The following ACSL1 variants were observed in gnomAD, a reference collection of about 807,000 sequenced individuals.
ACSL1 encodes the protein acyl-CoA synthetase long chain family member 1, also known as long-chain-fatty-acid--CoA ligase 1.
ACSL1 carries 41 observed loss-of-function variants against 98.4 expected under a neutral mutation model. The observed-to-expected ratio is 0.42, with a 90% confidence interval of 0.32 to 0.54. ACSL1 has a LOEUF of 0.54. ACSL1 is among the 20% of genes least tolerant of loss of function. The pLI is 0.13. For missense variants in ACSL1, 734 were observed against 883.1 expected (o/e 0.83, Z 2.14); for synonymous variants, 316 against 322.7 (o/e 0.98, Z 0.22).
intron 10 of ACSL1, 77 bp from the exon 11 acceptor site, chr4:184,770,553 T>C (rs1032724906): frequency 2.8e-6 from 2 of 706,200 alleles, no homozygotes; most frequent in Admixed American, 2.2e-5. Context: ...CCAGGGACGG[T>C]TGTGGGGTAG....
chr4:184,775,372 C>A (rs1242742663), intron 7 of ACSL1, among the ~76,000 whole-genome samples: 3 of 152,026 alleles, frequency 2.0e-5, no homozygotes, highest in Non-Finnish European at 4.4e-5. Flanking sequence ...AACATTACTT[C>A]TTTATCATAC....
At position 184,761,478 on chromosome 4, in the gene ACSL1, A is replaced by C. The variant is rs546561108; in HGVS notation, c.1638+929T>G. 4.5e-3 allele frequency among the ~76,000 whole-genome samples: 682 copies of C among 152,288 alleles called. 1 individual carries two copies. Among genetic ancestry groups the C allele is most frequent in the Non-Finnish European group, 7.4e-3 (505 of 68,022 alleles). ...AGCATCATAATAACTTCGAAACAGC[A>C]GATTACTGGTCAAACCAACAGGTAG... On this transcript the variant is annotated intron_variant, in intron 17 of 20. Transcript: ENST00000281455.
In ACSL1 at chr4:184,765,939, C is replaced by A. The variant is rs768275360; in HGVS notation, c.1311G>T (p.Pro437=). 1.7e-5 allele frequency: 28 copies of A among 1,613,882 alleles called. No homozygotes were observed. In the Admixed American group the frequency reaches 4.5e-4, roughly 26 times the overall value. The change falls in exon 14 of 21, where the codon CCG becomes CCT. Residue 437 remains proline, a synonymous_variant. Coordinates refer to ENST00000281455, the MANE Select transcript of ACSL1 (RefSeq NM_001995.5). ...GGAACGTCAGCACAGTGGCAGACAC[C>A]GGGGCGGCTCCTGTCACCATCAGCC... ...RVRLMVTGAA[P]VSATVLTFLR...
intron 18 of ACSL1, among the ~76,000 whole-genome samples, chr4:184,759,741 G>A (rs1762606750): frequency 6.6e-6 from 1 of 152,202 alleles, no homozygotes; most frequent in Non-Finnish European, 1.5e-5. Context: ...TGGTGGGACT[G>A]TAAACTAGTT....
chr4:184,786,913 C>G (rs1767478180), intron 3 of ACSL1, among the ~76,000 whole-genome samples: 1 of 152,058 alleles, frequency 6.6e-6, no homozygotes, highest in Admixed American at 6.5e-5. Flanking sequence ...AGGCTGGTCT[C>G]GAACTCCTGA....
chr4:184,826,123 G>GCCCC (rs1773478516), upstream of ACSL1: 1 of 118,448 alleles, frequency 8.4e-6, no homozygotes, highest in Non-Finnish European at 1.9e-5. Flanking sequence ...CCCGCCCGCA[G>GCCCC]GCCCCGCCCC....
At chr4:184,765,782 CAATT>C in intron 14 of ACSL1, 105 bp downstream of exon 14, 2 of 853,872 alleles carry the variant, frequency 2.3e-6, no homozygotes, top group Non-Finnish European at 3.6e-6. Flanking sequence ...ATACGCTTGT[CAATT>C]AAGAAAGAAC....
intron 2 of ACSL1, among the ~76,000 whole-genome samples, chr4:184,793,492 C>T (rs938507432): frequency 2.0e-5 from 3 of 152,206 alleles, no homozygotes; most frequent in African/African-American, 4.8e-5. Context: ...CAAATGATGC[C>T]GTTGAGGATT....
chr4:184,768,914 C>T (rs1471624867), intron 11 of ACSL1, among the ~76,000 whole-genome samples: 6 of 151,988 alleles, frequency 3.9e-5, no homozygotes, highest in Non-Finnish European at 8.8e-5. Flanking sequence ...TCTACTAAAA[C>T]AAAAATTAGC....
chr4:184,812,093 C>A (rs1772176789), intron 1 of ACSL1: 1 of 777,748 alleles, frequency 1.3e-6, no homozygotes, highest in South Asian at 5.8e-5. Flanking sequence ...AGTCCTTCCT[C>A]TGAACTCCAG....
At position 184,760,349 on chromosome 4, in the gene ACSL1, G is replaced by A. The variant is rs1159441736; in HGVS notation, c.1782+8C>T. 1 of 1,613,838 alleles carries A rather than the reference G, an allele frequency of 6.2e-7. No homozygotes were observed. The highest frequency in any genetic ancestry group is 1.3e-5 in the African/African-American group (1 of 74,900). The stretch of plus-strand genomic sequence containing the variant: ...TGCAGCAAGATTCAAGACCCAGAAA[G>A]CACATACCTGCAGGCTTTCTCCGTG... On this transcript the variant is annotated splice_region_variant and intron_variant, in intron 18 of 20. Transcript: ENST00000281455.
intron 2 of ACSL1, among the ~76,000 whole-genome samples, chr4:184,789,003 T>C (rs189467976): frequency 1.3e-5 from 2 of 152,292 alleles, no homozygotes; most frequent in Non-Finnish European, 2.9e-5. Context: ...ATACACATAA[T>C]TTGTATTTGT....
Position 184,773,303 on chromosome 4 carries a change from G to A in ACSL1, c.842-149C>T. On this transcript the variant is annotated intron_variant, in intron 9 of 20. Transcript: ENST00000281455. The surrounding 1 kb of genome is among the most constrained non-coding windows in gnomAD (Gnocchi z 4.3). ...TGAACACTAAATTCCTAAGCAACCT[G>A]CAATCCTTACACTGACTTATCTTTA... The A allele has an allele frequency of 1.4e-6, 1 of 689,960 alleles. No individual in the cohort carries two copies. The highest frequency in any genetic ancestry group is 2.4e-6 in the Non-Finnish European group (1 of 408,790). 42.7% of individuals were successfully genotyped at this position (689,960 alleles called of 1,614,324 possible).
chr4:184,764,412 G>A (rs1763277554), intron 15 of ACSL1, among the ~76,000 whole-genome samples: 1 of 152,052 alleles, frequency 6.6e-6, no homozygotes, highest in Non-Finnish European at 1.5e-5. Flanking sequence ...ATGACTTTTT[G>A]AGAAAAAGGA....
chr4:184,817,528 T>G (rs530261059), intron 1 of ACSL1, among the ~76,000 whole-genome samples: 202 of 152,300 alleles, frequency 1.3e-3, no homozygotes, highest in African/African-American at 4.5e-3. Context: ...TGAGCAGCCC[T>G]GCAGCCTCTT....
intron 3 of ACSL1, among the ~76,000 whole-genome samples, chr4:184,786,456 ACACT>A (rs10536708): frequency 0.19 from 27,196 of 139,786 alleles, 3,064 homozygotes; most frequent in Middle Eastern, 0.29. Flanking sequence ...ACACACACAC[ACACT>A]GTTTCATGTG....
intron 5 of ACSL1, among the ~76,000 whole-genome samples, chr4:184,777,738 T>C (rs1226243138): frequency 6.6e-6 from 1 of 151,674 alleles, no homozygotes; most frequent in African/African-American, 2.4e-5. Flanking sequence ...CTACAGATGC[T>C]ACTGGGAGGG....
intron 15 of ACSL1, among the ~76,000 whole-genome samples, chr4:184,764,453 A>G (rs3792316): frequency 0.28 from 43,250 of 152,106 alleles, 6,768 homozygotes; most frequent in East Asian, 0.66. Context: ...TAGTCCCAAC[A>G]CCTAGCACAG....
chr4:184,761,497 C>T lies in ACSL1; in HGVS notation c.1638+910G>A, dbSNP rs1418489821. ...AACAGCAGATTACTGGTCAAACCAA[C>T]AGGTAGGACAGGTCAGGCTTCTTGC... On this transcript the variant is annotated intron_variant, in intron 17 of 20. Transcript: ENST00000281455. Among the ~76,000 whole-genome samples, 2 of 152,212 alleles carry T rather than the reference C, an allele frequency of 1.3e-5. 1 individual carries two copies. The highest frequency in any genetic ancestry group is 2.9e-5 in the Non-Finnish European group (2 of 68,050).
Sources: allele counts gnomAD v4.1 joint callset (sites outside exome capture counted in the v4.1 genomes callset), GRCh38; gene constraint gnomAD v4.1.1; non-coding constraint Gnocchi (gnomAD v3.1); transcripts MANE v1.5; gene names NCBI Gene and HGNC (gene_info 2026-07-23, HGNC 2026-07-21).